Variants in SLC22A2 observed in about 807,000 individuals in gnomAD.
SLC22A2 encodes organic cation transporter 2.
SLC22A2 carries 46 observed loss-of-function variants against 60.5 expected under a neutral mutation model. That is an observed-to-expected ratio of 0.76 (90% CI 0.60 to 0.97). SLC22A2 has a LOEUF of 0.97. Ranked by LOEUF, SLC22A2 falls within the 50% of genes least tolerant of loss-of-function variation. SLC22A2 has a pLI of 0.00. For synonymous variants in SLC22A2, 303 were observed against 267.0 expected, an observed-to-expected ratio of 1.13 and a Z score of -1.31; for missense variants, 701 against 706.6, an observed-to-expected ratio of 0.99 and a Z score of 0.09.
chr6:160,256,851 A>G, intron 1 of SLC22A2, 134 bp from the exon 2 acceptor site: 2 of 619,306 alleles, frequency 3.2e-6, no homozygotes, highest in South Asian at 4.0e-5. Flanking sequence ...AAGTGGCAAT[A>G]AGCCATTGTT....
intron 9 of SLC22A2, among the ~76,000 whole-genome samples, chr6:160,227,980 G>C (rs1365081338): frequency 2.6e-5 from 4 of 152,188 alleles, no homozygotes; most frequent in Non-Finnish European, 5.9e-5. Flanking sequence ...CAAAAAACAG[G>C]AAACTCATTA....
At chr6:160,227,610 G>T (rs1782744180) in intron 9 of SLC22A2, among the ~76,000 whole-genome samples, 1 of 152,170 alleles carries the variant, frequency 6.6e-6, no homozygotes. Flanking sequence ...CTCATATTTG[G>T]CTCAGAATAA....
chr6:160,236,327 A>T (rs1220158126), intron 9 of SLC22A2, among the ~76,000 whole-genome samples: 2 of 152,180 alleles, frequency 1.3e-5, no homozygotes, highest in Non-Finnish European at 2.9e-5. Flanking sequence ...ATTCTTTTTT[A>T]ATTTTTTGCT....
intron 9 of SLC22A2, among the ~76,000 whole-genome samples, chr6:160,235,620 A>T (rs544326742): frequency 1.3e-5 from 2 of 149,804 alleles, no homozygotes; most frequent in Admixed American, 1.3e-4. Context: ...TATTGGCTAA[A>T]GTTAAAGGGG....
At chr6:160,225,891 T>G (rs1251140215) in intron 9 of SLC22A2, among the ~76,000 whole-genome samples, 1 of 152,172 alleles carries the variant, frequency 6.6e-6, no homozygotes. Context: ...CATTCTTGGG[T>G]ATAGGCTGAA....
At chr6:160,244,876 A>G (rs1241420998) in intron 6 of SLC22A2, 1 of 152,252 alleles carries the variant, frequency 6.6e-6, no homozygotes, top group African/African-American at 2.4e-5. Context: ...GGTAGCAAAC[A>G]CAATAAAGAT....
intron 2 of SLC22A2, among the ~76,000 whole-genome samples, chr6:160,251,151 AC>A (rs2114869981): frequency 6.6e-6 from 1 of 152,008 alleles, no homozygotes; most frequent in Non-Finnish European, 1.5e-5. Context: ...TTCAGTATAT[AC>A]CCCCTTTCTT....
At chr6:160,224,676 C>T in intron 10 of SLC22A2, 29 bp downstream of exon 10, 1 of 1,465,870 alleles carries the variant, frequency 6.8e-7, no homozygotes, top group Non-Finnish European at 9.4e-7. Flanking sequence ...CTTTATAGAA[C>T]AATTCATTTA....
chr6:160,247,079 G>A, intron 5 of SLC22A2, 105 bp downstream of exon 5: 1 of 681,696 alleles, frequency 1.5e-6, no homozygotes, highest in Non-Finnish European at 2.6e-6. Flanking sequence ...ATGCAAGGGG[G>A]TGGGTGCTTC....
chr6:160,226,576 G>A (rs116501407), intron 9 of SLC22A2, among the ~76,000 whole-genome samples: 7 of 152,224 alleles, frequency 4.6e-5, no homozygotes, highest in African/African-American at 1.4e-4. Context: ...ATTTGTGTAC[G>A]TGATTTTCTT....
chr6:160,248,510 T>A (rs1783132867), intron 4 of SLC22A2, among the ~76,000 whole-genome samples: 1 of 152,184 alleles, frequency 6.6e-6, no homozygotes, highest in Non-Finnish European at 1.5e-5. Context: ...AAGACAGCCA[T>A]GGGAAGAACA....
At position 160,229,721 on chromosome 6, in the gene SLC22A2, C is replaced by T. The variant is rs1403740826; in HGVS notation, c.1502-4917G>A. 2.0e-5 allele frequency among the ~76,000 whole-genome samples: 3 copies of T among 151,774 alleles called. 1 individual carries two copies. Among genetic ancestry groups the T allele is most frequent in the East Asian group, 3.9e-4 (2 of 5,178 alleles). On this transcript the variant is annotated intron_variant, in intron 9 of 10. Transcript: ENST00000366953. ...TGCCTCCTTCATTATGGACAACCTT[C>T]CACCTTCCATTCCTCCTTCTTCTCC...
chr6:160,230,679 A>G (rs2114854981), intron 9 of SLC22A2, among the ~76,000 whole-genome samples: 1 of 152,026 alleles, frequency 6.6e-6, no homozygotes, highest in South Asian at 2.1e-4. Flanking sequence ...CAAACCCCAG[A>G]CACATCTCCA....
intron 9 of SLC22A2, among the ~76,000 whole-genome samples, chr6:160,241,266 T>C (rs1316898579): frequency 6.6e-6 from 1 of 152,088 alleles, no homozygotes; most frequent in African/African-American, 2.4e-5. Flanking sequence ...TGAACTAGTA[T>C]TATTGATTAG....
chr6:160,249,820 A>C, intron 3 of SLC22A2, among the ~76,000 whole-genome samples: 1 of 152,156 alleles, frequency 6.6e-6, no homozygotes, highest in Non-Finnish European at 1.5e-5. Context: ...TGCAAGTCCT[A>C]TTTGTTTATT....
In SLC22A2 at chr6:160,245,551, A is replaced by T. The variant is rs1194731205; in HGVS notation, c.958-6T>A. ...TCCTCTTCAAGTCTCAGGCGCTAAG[A>T]AAAGGAATAGAAAGGACGGCTTTGT... On this transcript the variant is annotated splice_region_variant and splice_polypyrimidine_tract_variant and intron_variant, in intron 5 of 10. Coordinates refer to ENST00000366953, the MANE Select transcript of SLC22A2 (RefSeq NM_003058.4). 1 of 1,586,494 alleles carries T rather than the reference A, an allele frequency of 6.3e-7. No individual in the cohort carries two copies. The highest frequency in any genetic ancestry group is 1.3e-5 in the African/African-American group (1 of 74,300).
At chr6:160,242,899 A>C (rs1196566867) in intron 7 of SLC22A2, among the ~76,000 whole-genome samples, 1 of 152,190 alleles carries the variant, frequency 6.6e-6, no homozygotes, top group African/African-American at 2.4e-5. Context: ...CATATGGAAT[A>C]ATTTCACTGC....
chr6:160,229,044 C>A (rs1012966706), intron 9 of SLC22A2, among the ~76,000 whole-genome samples: 1 of 151,890 alleles, frequency 6.6e-6, no homozygotes, highest in Non-Finnish European at 1.5e-5. Context: ...ACATGGACAC[C>A]AGTGAAATTT....
intron 2 of SLC22A2, among the ~76,000 whole-genome samples, chr6:160,252,881 T>G (rs1278471105): frequency 6.6e-6 from 1 of 152,252 alleles, no homozygotes; most frequent in East Asian, 1.9e-4. Flanking sequence ...TAAAAGGCTC[T>G]CGTGATCCTA....
Sources: allele counts gnomAD v4.1 joint callset (sites outside exome capture counted in the v4.1 genomes callset), GRCh38; gene constraint gnomAD v4.1.1; transcripts MANE v1.5; gene names NCBI Gene and HGNC (gene_info 2026-07-23, HGNC 2026-07-21).